The following FRMD6 variants were observed in gnomAD, a reference collection of about 807,000 sequenced individuals.
FRMD6 encodes the protein FERM domain containing 6, also known as FERM domain-containing protein 6.
In FRMD6, 37 loss-of-function variants were observed where a neutral mutation model predicts 73.2. That is an observed-to-expected ratio of 0.51 (90% CI 0.39 to 0.66). The LOEUF is 0.66. Among genes scored for constraint, FRMD6 ranks in the 30% least tolerant of loss-of-function variants. The pLI, the probability that FRMD6 is intolerant of heterozygous loss-of-function variation, is 0.00. For missense variants in FRMD6, 714 were observed against 780.5 expected, an observed-to-expected ratio of 0.91 and a Z score of 1.02; for synonymous variants, 273 against 282.2, an observed-to-expected ratio of 0.97 and a Z score of 0.33.
At chr14:51,599,901 C>G (rs1889943334) in intron 2 of FRMD6, 1 of 148,822 alleles carries the variant, frequency 6.7e-6, no homozygotes, top group African/African-American at 2.5e-5. Context: ...CCCATGGAGG[C>G]TCCTGGGTCC....
chr14:51,621,990 A>G (rs1332762927), intron 2 of FRMD6, among the ~76,000 whole-genome samples: 1 of 152,220 alleles, frequency 6.6e-6, no homozygotes, highest in Non-Finnish European at 1.5e-5. Context: ...CAACAGGCAT[A>G]ACCCGAGACT....
intron 3 of FRMD6, among the ~76,000 whole-genome samples, chr14:51,700,571 A>G (rs1380536812): frequency 2.6e-5 from 4 of 152,056 alleles, no homozygotes; most frequent in African/African-American, 9.7e-5. Flanking sequence ...TCTTCACAAA[A>G]TGTGGGTCAG....
At chr14:51,570,952 A>G (rs1888103378) in intron 2 of FRMD6, among the ~76,000 whole-genome samples, 1 of 152,254 alleles carries the variant, frequency 6.6e-6, no homozygotes, top group Admixed American at 6.5e-5. Flanking sequence ...TGTGTTTGGT[A>G]GAAATTGTCA....
At chr14:51,401,557 A>T in the FRMD6 span, among the ~76,000 whole-genome samples, 1 of 152,170 alleles carries the variant, frequency 6.6e-6, no homozygotes, top group Admixed American at 6.6e-5. Flanking sequence ...GATATCTTGG[A>T]TGGGTTCTCT....
chr14:51,400,498 A>G, the FRMD6 span, among the ~76,000 whole-genome samples: 3 of 152,166 alleles, frequency 2.0e-5, no homozygotes, highest in Non-Finnish European at 4.4e-5. Flanking sequence ...TTATCACCTA[A>G]TTAATCAGTA....
At chr14:51,541,338 A>G (rs11847589) in intron 1 of FRMD6, among the ~76,000 whole-genome samples, 11,102 of 152,170 alleles carry the variant, frequency 0.073, 811 homozygotes, top group African/African-American at 0.18. Context: ...TTCCATAAAT[A>G]TTCACTGAGC....
Position 51,597,783 on chromosome 14 carries a change from T to A in FRMD6, c.-147+27373T>A, listed in dbSNP as rs555065386. Among the ~76,000 whole-genome samples the A allele has an allele frequency of 1.6e-4, 25 of 152,328 alleles. 1 individual carries two copies. In the Middle Eastern group the frequency reaches 0.017, roughly 104 times the overall value. On this transcript the variant is annotated intron_variant, in intron 2 of 14. Transcript: ENST00000356218. Reference sequence around the variant, plus strand: ...GTAAAGAAATTCCAAGACCAGATGATCTCTAAGATGGTTCCAATTCCAAGG... The same window carrying A: ...GTAAAGAAATTCCAAGACCAGATGAACTCTAAGATGGTTCCAATTCCAAGG...
chr14:51,696,442 A>ATT (rs1230845738), intron 2 of FRMD6, among the ~76,000 whole-genome samples: 1 of 151,448 alleles, frequency 6.6e-6, no homozygotes, highest in African/African-American at 2.4e-5. Context: ...TAATAATAAT[A>ATT]TTGAGAAAGA....
chr14:51,625,999 T>C (rs537569370), intron 2 of FRMD6, among the ~76,000 whole-genome samples: 1 of 152,308 alleles, frequency 6.6e-6, no homozygotes, highest in African/African-American at 2.4e-5. Flanking sequence ...TCAATAAATG[T>C]TGAATAAATT....
At chr14:51,725,350 A>T (rs1348438521) in intron 12 of FRMD6, among the ~76,000 whole-genome samples, 1 of 152,118 alleles carries the variant, frequency 6.6e-6, no homozygotes, top group Non-Finnish European at 1.5e-5. Flanking sequence ...ACCACTATAC[A>T]TCCAAGCCGA....
upstream of FRMD6, chr14:51,649,667 G>A (rs1204886435): frequency 1.3e-4 from 20 of 151,754 alleles, no homozygotes. Context: ...ACAAAAATGA[G>A]AAAAAAAGTG....
In FRMD6 at chr14:51,729,276, C is replaced by G. The variant is rs1028931919; in HGVS notation, c.*1247C>G. On this transcript the variant is annotated 3_prime_UTR_variant, in exon 14 of 14. Transcript: ENST00000344768. ...AAGTTCTCCAGATGGAGCTAATATG[C>G]AACAAAGTTGAAAACCACTGATCCT... is the stretch of plus-strand genomic sequence containing the variant. 2 of 152,174 alleles carry G rather than the reference C, an allele frequency of 1.3e-5. No individual in the cohort carries two copies. Among genetic ancestry groups the G allele is most frequent in the African/African-American group, 4.8e-5 (2 of 41,418 alleles). The allele number at this position is 152,174 out of a possible 1,614,324, so 9.4% of individuals were successfully genotyped here.
chr14:51,418,219 G>A, the FRMD6 span, among the ~76,000 whole-genome samples: 2 of 152,136 alleles, frequency 1.3e-5, no homozygotes, highest in African/African-American at 4.8e-5. Context: ...GCAATCCTTT[G>A]GAGGAGAAGA....
chr14:51,455,875 G>A, the FRMD6 span, among the ~76,000 whole-genome samples: 1 of 152,204 alleles, frequency 6.6e-6, no homozygotes. Context: ...GCAAAGATGG[G>A]GGAAGGTGAA....
At chr14:51,621,471 A>G (rs1297157628) in intron 2 of FRMD6, among the ~76,000 whole-genome samples, 1 of 152,230 alleles carries the variant, frequency 6.6e-6, no homozygotes, top group African/African-American at 2.4e-5. Context: ...CAGCAACCCA[A>G]GGACAGGTAG....
At chr14:51,632,218 C>A (rs1342126254) in intron 2 of FRMD6, among the ~76,000 whole-genome samples, 1 of 152,184 alleles carries the variant, frequency 6.6e-6, no homozygotes, top group Non-Finnish European at 1.5e-5. Flanking sequence ...GAGGCCTCCC[C>A]AGCCATGCTG....
the FRMD6 span, among the ~76,000 whole-genome samples, chr14:51,430,630 A>C: frequency 6.6e-6 from 1 of 152,024 alleles, no homozygotes; most frequent in South Asian, 2.1e-4. Flanking sequence ...CAACAAAAAA[A>C]ACCCTCTGTT....
chr14:51,543,190 G>T (rs1159162703), intron 1 of FRMD6, among the ~76,000 whole-genome samples: 1 of 151,846 alleles, frequency 6.6e-6, no homozygotes, highest in Non-Finnish European at 1.5e-5. Flanking sequence ...AACTAATCTT[G>T]CACTGACAGT....
At chr14:51,498,421 T>C (rs1272722295) in intron 1 of FRMD6, among the ~76,000 whole-genome samples, 1 of 116,416 alleles carries the variant, frequency 8.6e-6, no homozygotes, top group African/African-American at 3.8e-5. Context: ...CACCAATTTT[T>C]GTTTTCATTG....
Sources: gnomAD v4.1 joint callset for allele counts (sites outside exome capture counted in the v4.1 genomes callset) on GRCh38, gnomAD v4.1.1 for gene constraint, MANE v1.5 for transcripts, NCBI Gene and HGNC (gene_info 2026-07-23, HGNC 2026-07-21) for gene names.